The following SUMF1 variants were observed in gnomAD, a reference collection of about 807,000 sequenced individuals.
SUMF1 encodes sulfatase modifying factor 1, also known as formylglycine-generating enzyme.
A neutral mutation model predicts 47.6 loss-of-function variants in SUMF1; 48 were observed. The observed-to-expected ratio is 1.01, with a 90% CI of 0.80 to 1.28. The LOEUF is 1.28. SUMF1 is among the 50% of genes most tolerant of loss of function. The pLI, the probability that SUMF1 is intolerant of heterozygous loss-of-function variation, is 0.00. For missense variants in SUMF1, 571 were observed against 485.4 expected, an observed-to-expected ratio of 1.18 and a Z score of -1.66; for synonymous variants, 230 against 192.1, an observed-to-expected ratio of 1.20 and a Z score of -1.63.
chr3:4,297,387 A>G (rs571625807), intron 8 of SUMF1, among the ~76,000 whole-genome samples: 127 of 152,144 alleles, frequency 8.3e-4, no homozygotes, highest in Middle Eastern at 3.4e-3. Flanking sequence ...CCTACTTGGT[A>G]TCTACTGGTG....
At chr3:4,132,797 A>T (rs995415092) in intron 8 of SUMF1, among the ~76,000 whole-genome samples, 6 of 152,106 alleles carry the variant, frequency 3.9e-5, no homozygotes, top group African/African-American at 1.4e-4. Context: ...ATCAAGAAGA[A>T]ATCAGTCTAC....
chr3:4,253,386 C>T (rs546813746), intron 8 of SUMF1, among the ~76,000 whole-genome samples: 42 of 152,262 alleles, frequency 2.8e-4, no homozygotes, highest in African/African-American at 9.4e-4. Flanking sequence ...AGACAGTGGG[C>T]GCAGGCCAGT....
intron 8 of SUMF1, among the ~76,000 whole-genome samples, chr3:4,308,389 A>G (rs931109144): frequency 8.0e-5 from 12 of 150,422 alleles, no homozygotes; most frequent in East Asian, 2.0e-4. Context: ...ACAGAAACCT[A>G]TGAAATAAAT....
chr3:4,079,340 C>T (rs1330984738), intron 8 of SUMF1, among the ~76,000 whole-genome samples: 1 of 151,956 alleles, frequency 6.6e-6, no homozygotes, highest in Non-Finnish European at 1.5e-5. Flanking sequence ...CCTCACATGC[C>T]CATTTTGATC....
At chr3:4,308,135 G>A (rs1217698878) in intron 8 of SUMF1, among the ~76,000 whole-genome samples, 1 of 152,188 alleles carries the variant, frequency 6.6e-6, no homozygotes, top group Non-Finnish European at 1.5e-5. Flanking sequence ...ACTGAAAGAA[G>A]TCTAGTCTGG....
At chr3:4,342,020 T>C (rs558823986) in intron 8 of SUMF1, among the ~76,000 whole-genome samples, 117 of 152,308 alleles carry the variant, frequency 7.7e-4, no homozygotes, top group African/African-American at 2.5e-3. Flanking sequence ...TTATGGGACA[T>C]GAAAGTTCTA....
At chr3:4,128,940 T>C (rs1316189911) in intron 8 of SUMF1, among the ~76,000 whole-genome samples, 2 of 152,138 alleles carry the variant, frequency 1.3e-5, no homozygotes, top group Non-Finnish European at 2.9e-5. Flanking sequence ...GATTGAAAGA[T>C]GACCTACTGT....
chr3:4,103,300 A>G (rs975156464), intron 8 of SUMF1, among the ~76,000 whole-genome samples: 3 of 152,070 alleles, frequency 2.0e-5, no homozygotes, highest in African/African-American at 7.2e-5. Flanking sequence ...CTAGTTGGGT[A>G]GATAGAAATA....
At chr3:4,338,790 T>C (rs1699207164) in intron 8 of SUMF1, among the ~76,000 whole-genome samples, 1 of 152,128 alleles carries the variant, frequency 6.6e-6, no homozygotes, top group African/African-American at 2.4e-5. Context: ...CTAGTACATA[T>C]GTATACCTAG....
At chr3:4,303,514 G>C (rs966368761) in intron 8 of SUMF1, 2 of 1,436,904 alleles carry the variant, frequency 1.4e-6, no homozygotes, top group Non-Finnish European at 1.8e-6. Context: ...GGGCCGCGCC[G>C]GCGCCCTTCC....
chr3:4,445,657 T>C (rs1345802467), intron 3 of SUMF1, among the ~76,000 whole-genome samples: 1 of 152,218 alleles, frequency 6.6e-6, no homozygotes. Context: ...AAAATATATT[T>C]AAATCCATGA....
intron 8 of SUMF1, among the ~76,000 whole-genome samples, chr3:4,169,906 C>T (rs1013080378): frequency 2.0e-5 from 3 of 152,098 alleles, no homozygotes; most frequent in Non-Finnish European, 4.4e-5. Context: ...GAGAGTTTTC[C>T]TTGAGAGGTT....
intron 8 of SUMF1, among the ~76,000 whole-genome samples, chr3:4,110,762 A>T (rs906615279): frequency 3.4e-5 from 5 of 146,596 alleles, no homozygotes; most frequent in Admixed American, 1.4e-4. Flanking sequence ...CAAACACCGC[A>T]TGTTCTCACT....
intron 7 of SUMF1, among the ~76,000 whole-genome samples, chr3:4,398,298 G>A (rs1701100987): frequency 6.6e-6 from 1 of 152,102 alleles, no homozygotes; most frequent in Non-Finnish European, 1.5e-5. Context: ...TCAGTAGCTT[G>A]CCAGTAAATT....
At chr3:4,366,449 G>A (rs931724953) in intron 8 of SUMF1, among the ~76,000 whole-genome samples, 183 of 151,208 alleles carry the variant, frequency 1.2e-3, no homozygotes, top group Non-Finnish European at 2.1e-3. Context: ...TTCCCTTCTC[G>A]CTTCATTTCA....
intron 8 of SUMF1, among the ~76,000 whole-genome samples, chr3:4,223,835 C>G (rs1201181663): frequency 6.6e-6 from 1 of 152,126 alleles, no homozygotes; most frequent in Non-Finnish European, 1.5e-5. Context: ...TCAAAAGGCT[C>G]TGACTAAAAA....
chr3:4,226,691 G>A (rs1297773385), intron 8 of SUMF1, among the ~76,000 whole-genome samples: 2 of 151,992 alleles, frequency 1.3e-5, no homozygotes, highest in African/African-American at 2.4e-5. Flanking sequence ...GATAGTGTGA[G>A]CTGTACAAAG....
chr3:4,163,964 A>G (rs535460629), intron 8 of SUMF1, among the ~76,000 whole-genome samples: 1 of 152,140 alleles, frequency 6.6e-6, no homozygotes, highest in Non-Finnish European at 1.5e-5. Context: ...AGCCAAACAG[A>G]AAGTCAGCAA....
chr3:4,135,711 T>C (rs1693909359), intron 8 of SUMF1, among the ~76,000 whole-genome samples: 1 of 152,194 alleles, frequency 6.6e-6, no homozygotes, highest in South Asian at 2.1e-4. Flanking sequence ...GACATGATTG[T>C]ATATCTAGAA....
Sources: allele counts gnomAD v4.1 joint callset (sites outside exome capture counted in the v4.1 genomes callset), GRCh38; gene constraint gnomAD v4.1.1; transcripts MANE v1.5; gene names NCBI Gene and HGNC (gene_info 2026-07-23, HGNC 2026-07-21).